Variants in SUZ12 observed in about 807,000 individuals in gnomAD.
SUZ12 encodes polycomb protein SUZ12.
A neutral mutation model predicts 87.3 loss-of-function variants in SUZ12; 17 were observed. That is an observed-to-expected ratio of 0.19 (90% confidence interval 0.13 to 0.29). The LOEUF is 0.29. SUZ12 is among the 10% of genes least tolerant of loss of function. SUZ12 has a pLI of 1.00. For missense variants in SUZ12, 526 were observed against 912.2 expected, an observed-to-expected ratio of 0.58 and a Z score of 5.45; for synonymous variants, 253 against 312.4, an observed-to-expected ratio of 0.81 and a Z score of 2.01.
chr17:31,940,344 A>G lies in SUZ12; in HGVS notation c.321+12A>G, dbSNP rs1906197558. 5 of 1,613,226 alleles carry G rather than the reference A, an allele frequency of 3.1e-6. No individual in the cohort carries two copies. The highest frequency in any genetic ancestry group is 2.2e-5 in the East Asian group (1 of 44,762). ...GGAATCTCATAGCAGTAAGTAGTCA[A>G]CAAAATTCATCAATATTATTTCTCT... On this transcript the variant is annotated intron_variant, in intron 2 of 15. Coordinates refer to ENST00000322652, the MANE Select transcript of SUZ12 (RefSeq NM_015355.4).
At chr17:31,939,539 T>C (rs1906142088) in intron 1 of SUZ12, among the ~76,000 whole-genome samples, 2 of 152,058 alleles carry the variant, frequency 1.3e-5, no homozygotes, top group Admixed American at 6.6e-5. Context: ...TTTTTTTTTT[T>C]GAGACGAAGT....
intron 8 of SUZ12, among the ~76,000 whole-genome samples, chr17:31,977,675 G>A (rs1169666287): frequency 6.6e-6 from 1 of 152,132 alleles, no homozygotes; most frequent in Non-Finnish European, 1.5e-5. Flanking sequence ...TGGATCACGA[G>A]GTCAGGAGTT....
At chr17:31,989,810 C>T (rs1219965089) in intron 10 of SUZ12, among the ~76,000 whole-genome samples, 6 of 148,798 alleles carry the variant, frequency 4.0e-5, no homozygotes, top group East Asian at 3.9e-4. Context: ...GGGGTTTCAC[C>T]TTGTTAGCCA....
chr17:31,950,903 C>A (rs1906933729), intron 4 of SUZ12, among the ~76,000 whole-genome samples: 1 of 151,958 alleles, frequency 6.6e-6, no homozygotes, highest in African/African-American at 2.4e-5. Context: ...GCCTCAGCCT[C>A]CCGAGTAGCT....
At chr17:31,957,986 T>G (rs1484011934) in intron 4 of SUZ12, among the ~76,000 whole-genome samples, 2 of 149,734 alleles carry the variant, frequency 1.3e-5, no homozygotes, top group African/African-American at 4.9e-5. Flanking sequence ...CACTGCAAGT[T>G]CTGCCTCCCG....
intron 3 of SUZ12, among the ~76,000 whole-genome samples, chr17:31,943,735 C>T (rs1315561609): frequency 1.3e-5 from 2 of 151,652 alleles, no homozygotes; most frequent in Admixed American, 6.6e-5. Context: ...GAGTCTTGCT[C>T]TGTCGTCTAG....
At chr17:31,945,798 C>T (rs1414992056) in intron 3 of SUZ12, among the ~76,000 whole-genome samples, 1 of 152,084 alleles carries the variant, frequency 6.6e-6, no homozygotes, top group Non-Finnish European at 1.5e-5. Context: ...AAGAGATGAA[C>T]CTTAGAACGT....
At position 31,976,561 on chromosome 17, in the gene SUZ12, T is replaced by C. The variant is rs748157553; in HGVS notation, c.864T>C (p.Arg288=). 2 of 1,613,234 alleles carry C rather than the reference T, an allele frequency of 1.2e-6. No individual in the cohort carries two copies. Among genetic ancestry groups the C allele is most frequent in the South Asian group, 2.2e-5 (2 of 90,996 alleles). ...EELPARRKRN[R]EDGEKTFVAQ... Reference sequence around the variant, plus strand: ...TTCCAGCCAGAAGAAAACGAAATCGTGAGGATGGGGAAAAGACATTTGTTG... The same window carrying C: ...TTCCAGCCAGAAGAAAACGAAATCGCGAGGATGGGGAAAAGACATTTGTTG... The change falls in exon 8 of 16, where the codon CGT becomes CGC. Residue 288 remains arginine (R), a synonymous_variant. Coordinates refer to ENST00000322652, the MANE Select transcript of SUZ12 (RefSeq NM_015355.4).
chr17:31,998,217 C>T (rs1234429515), intron 15 of SUZ12, among the ~76,000 whole-genome samples: 1 of 151,888 alleles, frequency 6.6e-6, no homozygotes, highest in Non-Finnish European at 1.5e-5. Flanking sequence ...GCCGCTGGGA[C>T]CACAGGCACC....
chr17:31,953,896 T>G (rs1241916568), intron 4 of SUZ12, among the ~76,000 whole-genome samples: 2 of 151,710 alleles, frequency 1.3e-5, no homozygotes, highest in Non-Finnish European at 2.9e-5. Flanking sequence ...GTATTTTTAG[T>G]AGAGAAGGGG....
rs1030488254 is a variant in SUZ12, at chr17:31,989,890, C to T, written c.1201+1393C>T. On this transcript the variant is annotated intron_variant, in intron 10 of 15. Coordinates refer to ENST00000322652, the MANE Select transcript of SUZ12 (RefSeq NM_015355.4). Reference sequence around the variant, plus strand: ...TCCCAAAGTGCTGGGATTACAGGCACGAGCCACTGTGCCCAGCCCAGGAAC... The same window carrying T: ...TCCCAAAGTGCTGGGATTACAGGCATGAGCCACTGTGCCCAGCCCAGGAAC... Among the ~76,000 whole-genome samples, 48 of 149,518 alleles carry T rather than the reference C, an allele frequency of 3.2e-4. No homozygotes were observed. The South Asian group carries it at 6.0e-3, about 19-fold the overall frequency.
chr17:31,957,924 A>T (rs1907459378), intron 4 of SUZ12, among the ~76,000 whole-genome samples: 1 of 87,402 alleles, frequency 1.1e-5, no homozygotes, highest in African/African-American at 4.2e-5. Context: ...TTTTTTTGAG[A>T]CAGAGTCTTG....
intron 14 of SUZ12, among the ~76,000 whole-genome samples, chr17:31,996,441 C>T (rs1199652867): frequency 6.6e-6 from 1 of 152,024 alleles, no homozygotes; most frequent in Non-Finnish European, 1.5e-5. Flanking sequence ...ATGGCAAAAC[C>T]CCATCTCTAC....
rs181548165 is a variant in SUZ12, at chr17:31,984,639, C to T, written c.1023+1535C>T. 2.4e-4 allele frequency among the ~76,000 whole-genome samples: 37 copies of T among 152,030 alleles called. No homozygotes were observed. In the East Asian group the frequency reaches 5.6e-3, roughly 23 times the overall value. ...TGAATTATAAAACAAGAAAAAGATA[C>T]GCAGTCTAATAAGAAATATGTGTCA... On this transcript the variant is annotated intron_variant, in intron 9 of 15. Coordinates refer to ENST00000322652, the MANE Select transcript of SUZ12 (RefSeq NM_015355.4).
chr17:31,942,736 G>A (rs571197495), intron 3 of SUZ12, among the ~76,000 whole-genome samples: 86 of 152,322 alleles, frequency 5.6e-4, no homozygotes, highest in Non-Finnish European at 1.1e-3. Context: ...TTAAAGTGGG[G>A]TCTGGAGGTG....
intron 4 of SUZ12, among the ~76,000 whole-genome samples, chr17:31,962,775 G>C (rs1598161952): frequency 6.6e-6 from 1 of 152,244 alleles, no homozygotes; most frequent in Non-Finnish European, 1.5e-5. Context: ...CATTTCAGCA[G>C]TTAGACAAAA....
At chr17:31,955,251 T>C (rs1164587597) in intron 4 of SUZ12, among the ~76,000 whole-genome samples, 1 of 152,060 alleles carries the variant, frequency 6.6e-6, no homozygotes, top group East Asian at 1.9e-4. Flanking sequence ...TACAGGCACA[T>C]GCTACCATGT....
In SUZ12 at chr17:31,999,086, A is replaced by G; in HGVS notation, c.*83A>G. 3.3e-6 allele frequency: 4 copies of G among 1,226,698 alleles called. 1 individual carries two copies. The highest frequency in any genetic ancestry group is 4.4e-6 in the Non-Finnish European group (4 of 909,358). 76.0% of individuals were successfully genotyped at this position (1,226,698 alleles called of 1,614,324 possible). The stretch of plus-strand genomic sequence containing the variant: ...CTCTAAGAATTATGTTTTTGTTTTT[A>G]ATCATATGTTCCAAACAGGCACTGT... On this transcript the variant is annotated 3_prime_UTR_variant, in exon 16 of 16. Transcript: ENST00000322652.
At chr17:31,971,289 T>C (rs1416183898) in intron 5 of SUZ12, among the ~76,000 whole-genome samples, 1 of 152,202 alleles carries the variant, frequency 6.6e-6, no homozygotes, top group African/African-American at 2.4e-5. Flanking sequence ...TAGTTGTCTC[T>C]GTGCATTCAT....
Sources: gnomAD v4.1 joint callset for allele counts (sites outside exome capture counted in the v4.1 genomes callset) on GRCh38, gnomAD v4.1.1 for gene constraint, MANE v1.5 for transcripts, NCBI Gene and HGNC (gene_info 2026-07-23, HGNC 2026-07-21) for gene names.